ECPAS: variants seen among roughly 807,000 people sequenced by gnomAD.
ECPAS encodes the protein proteasome adapter and scaffold protein ECM29.
In ECPAS, 70 loss-of-function variants were observed where a neutral mutation model predicts 255.1. The observed-to-expected ratio is 0.27, with a 90% confidence interval of 0.23 to 0.33. The LOEUF is 0.33. ECPAS is among the 10% of genes least tolerant of loss of function. The pLI is 1.00. For synonymous variants in ECPAS, 784 were observed against 775.0 expected (o/e 1.01, Z -0.19); for missense variants, 1,817 against 2,206.4 (o/e 0.82, Z 3.54).
intron 25 of ECPAS, among the ~76,000 whole-genome samples, chr9:111,395,906 G>C (rs1374923290): frequency 6.6e-6 from 1 of 152,144 alleles, no homozygotes; most frequent in African/African-American, 2.4e-5. Context: ...TCAAAGAACT[G>C]ACTCTGATTC....
At chr9:111,451,616 A>G (rs926294111) in intron 2 of ECPAS, 61 bp from the exon 3 acceptor site, 52 of 1,439,980 alleles carry the variant, frequency 3.6e-5, no homozygotes, top group Non-Finnish European at 4.1e-5. Flanking sequence ...AAGACCAATT[A>G]TTTTTATAGC....
intron 1 of ECPAS, among the ~76,000 whole-genome samples, chr9:111,482,651 GA>G (rs570622746): frequency 7.8e-4 from 111 of 141,526 alleles, no homozygotes; most frequent in South Asian, 1.8e-3. Flanking sequence ...AGCATTGGGA[GA>G]AAAAAAAAAA....
At chr9:111,375,623 C>A (rs1382419138) in intron 37 of ECPAS, among the ~76,000 whole-genome samples, 1 of 151,992 alleles carries the variant, frequency 6.6e-6, no homozygotes, top group Admixed American at 6.6e-5. Flanking sequence ...AATTGCTGGC[C>A]TTTATTTTTG....
chr9:111,366,547 G>T lies in ECPAS; in HGVS notation c.5194C>A (p.Gln1732Lys). The T allele has an allele frequency of 6.2e-7, 1 of 1,612,898 alleles. No homozygotes were observed. Among genetic ancestry groups the T allele is most frequent in the South Asian group, 1.1e-5 (1 of 91,062 alleles). Reference sequence around the variant, plus strand: ...CCCTGAAAAAAGGCATTCATTGATTGCAGGACTCCTAGCTGCACTTTCCAC... The same window carrying T: ...CCCTGAAAAAAGGCATTCATTGATTTCAGGACTCCTAGCTGCACTTTCCAC... ...STWKVQLGVL[Q>K]SMNAFFQGLM... Residue 1732 changes from glutamine (Q) to lysine (K), a missense_variant, in exon 47 of 50, where the codon CAA (glutamine) becomes AAA (lysine). Transcript: ENST00000684092.
intron 12 of ECPAS, among the ~76,000 whole-genome samples, chr9:111,423,805 AAGATAC>A (rs1432140803): frequency 2.0e-5 from 3 of 152,242 alleles, no homozygotes; most frequent in Non-Finnish European, 2.9e-5. Flanking sequence ...TTCTCTCCTC[AAGATAC>A]AGATAGAGTT....
Position 111,427,980 on chromosome 9 carries a change from C to T in ECPAS, c.1050+62G>A. On this transcript the variant is annotated intron_variant, in intron 10 of 49. Coordinates refer to ENST00000684092, the MANE Select transcript of ECPAS (RefSeq NM_001364929.1). ...TGAATATCCATTAACACAGTTCTTTCTCTAATTAAATAGACATAAAAGTTG... is the reference window on the plus strand; with the variant it reads ...TGAATATCCATTAACACAGTTCTTTTTCTAATTAAATAGACATAAAAGTTG... 3 of 1,497,700 alleles carry T rather than the reference C, an allele frequency of 2.0e-6. No individual in the cohort carries two copies. The Admixed American group carries it at 5.9e-5, about 29-fold the overall frequency. 92.8% of individuals were successfully genotyped at this position (1,497,700 alleles called of 1,614,324 possible).
chr9:111,374,931 G>A (rs1330649361), intron 38 of ECPAS, among the ~76,000 whole-genome samples, 182 bp downstream of exon 38: 3 of 152,156 alleles, frequency 2.0e-5, no homozygotes, highest in Admixed American at 6.5e-5. Context: ...GGAACAGTTA[G>A]ATGTTTTATT....
intron 35 of ECPAS, among the ~76,000 whole-genome samples, chr9:111,379,973 A>G (rs1458899743): frequency 6.6e-6 from 1 of 152,222 alleles, no homozygotes; most frequent in Non-Finnish European, 1.5e-5. Flanking sequence ...AACTTCTTCC[A>G]AACTATTAAT....
chr9:111,464,303 GGTAT>G lies in ECPAS; in HGVS notation c.22+8590_22+8593del, dbSNP rs1269737942. ...AAAAAAAAAATTAGCCAGGCATGGT[GGTAT>G]GCACCTGTAGTCCCAGCTACTCAGT... On this transcript the variant is annotated intron_variant, in intron 2 of 49. Coordinates refer to ENST00000684092, the MANE Select transcript of ECPAS (RefSeq NM_001364929.1). 5.3e-5 allele frequency among the ~76,000 whole-genome samples: 8 copies of G among 151,676 alleles called. No individual in the cohort carries two copies. The East Asian group carries it at 1.5e-3, about 29-fold the overall frequency.
chr9:111,476,265 G>C (rs1021990845), intron 1 of ECPAS, among the ~76,000 whole-genome samples: 12 of 152,202 alleles, frequency 7.9e-5, no homozygotes, highest in Non-Finnish European at 1.5e-4. Flanking sequence ...CAGGTGAAAA[G>C]TCTCAAATGC....
intron 35 of ECPAS, among the ~76,000 whole-genome samples, chr9:111,380,616 C>G (rs2098139430): frequency 1.3e-5 from 2 of 152,238 alleles, no homozygotes; most frequent in South Asian, 4.1e-4. Context: ...GCACTGACTT[C>G]TCTCTAGCTA....
rs140303643 is a variant in ECPAS, at chr9:111,421,981, A to G, written c.1395T>C (p.Ser465=). Residue 465 remains serine (S), a synonymous_variant, in exon 15 of 50, where the codon AGT becomes AGC. Coordinates refer to ENST00000684092, the MANE Select transcript of ECPAS (RefSeq NM_001364929.1). ...GAGTTCGCTGTGCCCCTTCCAAAGT[A>G]CTATACGCTCCAACCATCATAGATA... ...EALSMMVGAY[S]TLEGAQRTLM... 6.2e-7 allele frequency: 1 copy of G among 1,613,746 alleles called. No individual in the cohort carries two copies. The highest frequency in any genetic ancestry group is 8.5e-7 in the Non-Finnish European group (1 of 1,179,790).
At chr9:111,370,363 A>ATTGTT in intron 45 of ECPAS, 72 bp downstream of exon 45, 1 of 1,003,566 alleles carries the variant, frequency 1.0e-6, no homozygotes, top group South Asian at 1.8e-5. Context: ...TAATCAGGAC[A>ATTGTT]TAGGGGAAAA....
At chr9:111,470,745 G>GA (rs2098286618) in intron 2 of ECPAS, among the ~76,000 whole-genome samples, 1 of 38,646 alleles carries the variant, frequency 2.6e-5, no homozygotes, top group African/African-American at 1.4e-4. Flanking sequence ...CTCTCCTCCC[G>GA]CCACACACAC....
intron 8 of ECPAS, 124 bp downstream of exon 8, chr9:111,433,109 A>G: frequency 1.1e-6 from 1 of 897,954 alleles, no homozygotes; most frequent in Non-Finnish European, 1.7e-6. Context: ...CAAACTAGGT[A>G]TATTTAATAA....
At chr9:111,445,710 G>A (rs906536293) in intron 3 of ECPAS, among the ~76,000 whole-genome samples, 2 of 152,012 alleles carry the variant, frequency 1.3e-5, no homozygotes, top group African/African-American at 4.8e-5. Flanking sequence ...TCAGTTTTAG[G>A]GTACATGTGC....
chr9:111,468,306 A>T (rs2098281963), intron 2 of ECPAS, among the ~76,000 whole-genome samples: 1 of 152,198 alleles, frequency 6.6e-6, no homozygotes, highest in Admixed American at 6.5e-5. Flanking sequence ...CCTTGAAAAC[A>T]TTCTGTTGAC....
chr9:111,476,352 A>C (rs1012476725), intron 1 of ECPAS, among the ~76,000 whole-genome samples: 1 of 152,228 alleles, frequency 6.6e-6, no homozygotes, highest in Non-Finnish European at 1.5e-5. Flanking sequence ...AAAGTGGCAG[A>C]AGATAGTATT....
At chr9:111,473,978 A>T (rs1225669633) in intron 1 of ECPAS, among the ~76,000 whole-genome samples, 2 of 152,200 alleles carry the variant, frequency 1.3e-5, no homozygotes, top group Non-Finnish European at 2.9e-5. Context: ...ATAAAAAAGA[A>T]AAGAAAAGAA....
Sources: gnomAD v4.1 joint callset for allele counts (sites outside exome capture counted in the v4.1 genomes callset) on GRCh38, gnomAD v4.1.1 for gene constraint, MANE v1.5 for transcripts, NCBI Gene and HGNC (gene_info 2026-07-23, HGNC 2026-07-21) for gene names.